CLVS1: variants seen among roughly 807,000 people sequenced by gnomAD.
The protein encoded by CLVS1 is clavesin 1, also known as clavesin-1.
In CLVS1, 10 loss-of-function variants were observed where a neutral mutation model predicts 33.1. That is an observed-to-expected ratio of 0.30 (90% CI 0.19 to 0.51). CLVS1 has a LOEUF of 0.51. CLVS1 is among the 20% of genes least tolerant of loss of function. CLVS1 has a pLI of 0.97. For missense variants in CLVS1, 343 were observed against 433.4 expected (o/e 0.79, Z 1.85); for synonymous variants, 163 against 166.1 (o/e 0.98, Z 0.14).
At chr8:61,207,697 T>C (rs979117655) in intron 2 of CLVS1, among the ~76,000 whole-genome samples, 4 of 152,184 alleles carry the variant, frequency 2.6e-5, no homozygotes, top group Non-Finnish European at 5.9e-5. Context: ...AGTTTCCCAT[T>C]TGCATATTGG....
intron 2 of CLVS1, among the ~76,000 whole-genome samples, chr8:61,139,464 C>T (rs1445873154): frequency 6.6e-6 from 1 of 152,210 alleles, no homozygotes; most frequent in Non-Finnish European, 1.5e-5. Flanking sequence ...TTTAAGATGG[C>T]TTTGTCTGCG....
At chr8:61,410,216 A>G (rs1400353691) in intron 3 of CLVS1, among the ~76,000 whole-genome samples, 1 of 151,960 alleles carries the variant, frequency 6.6e-6, no homozygotes, top group East Asian at 1.9e-4. Flanking sequence ...AGTTTATCAT[A>G]CTGTACAGTG....
At chr8:60,997,586 G>T in the CLVS1 span, among the ~76,000 whole-genome samples, 3 of 152,158 alleles carry the variant, frequency 2.0e-5, no homozygotes, top group African/African-American at 7.2e-5. Flanking sequence ...TGACCACAAG[G>T]GTTCACAGTC....
chr8:61,247,364 G>A (rs1808837008), intron 2 of CLVS1, among the ~76,000 whole-genome samples: 1 of 152,106 alleles, frequency 6.6e-6, no homozygotes, highest in African/African-American at 2.4e-5. Flanking sequence ...CTCTTTGAGG[G>A]CTAAGAGACA....
At chr8:61,026,841 T>C in the CLVS1 span, among the ~76,000 whole-genome samples, 245 of 152,244 alleles carry the variant, frequency 1.6e-3, 1 homozygote, top group Admixed American at 3.7e-3. Flanking sequence ...ACCTGCAAAT[T>C]TAACTCCAGA....
At chr8:61,481,932 C>T (rs1455565356) in intron 5 of CLVS1, among the ~76,000 whole-genome samples, 1 of 152,248 alleles carries the variant, frequency 6.6e-6, no homozygotes, top group African/African-American at 2.4e-5. Flanking sequence ...AGTAGTCTAA[C>T]TGGGAGACAT....
intron 5 of CLVS1, among the ~76,000 whole-genome samples, chr8:61,461,602 A>G (rs151223573): frequency 3.3e-4 from 50 of 152,328 alleles, no homozygotes; most frequent in Admixed American, 9.8e-4. Context: ...ATGCCATTTT[A>G]GAACATGGAT....
In CLVS1 at chr8:61,500,956, C is replaced by G. The variant is rs1056539592; in HGVS notation, c.*1414C>G. On this transcript the variant is annotated 3_prime_UTR_variant, in exon 6 of 6. Transcript: ENST00000325897. Reference sequence around the variant, plus strand: ...ATTATTTATTACATCATCTCTTTCTCAATGGATCTAATGTTTTAATTTTTT... The same window carrying G: ...ATTATTTATTACATCATCTCTTTCTGAATGGATCTAATGTTTTAATTTTTT... The G allele has an allele frequency of 6.6e-6, 1 of 152,074 alleles. No homozygotes were observed. Among genetic ancestry groups the G allele is most frequent in the Non-Finnish European group, 1.5e-5 (1 of 68,008 alleles). The allele number at this position is 152,074 out of a possible 1,614,324, so 9.4% of individuals were successfully genotyped here.
At chr8:61,433,857 T>C (rs995303922) in intron 3 of CLVS1, among the ~76,000 whole-genome samples, 3 of 151,748 alleles carry the variant, frequency 2.0e-5, no homozygotes, top group African/African-American at 7.3e-5. Context: ...GAGGTTGCAG[T>C]GAGCCAAGAT....
chr8:61,221,421 C>T (rs1258588823), intron 2 of CLVS1, among the ~76,000 whole-genome samples: 4 of 152,042 alleles, frequency 2.6e-5, no homozygotes, highest in Admixed American at 6.6e-5. Flanking sequence ...CAGAGGCCTT[C>T]TTCTGCATCT....
At chr8:61,338,964 C>CCG (rs10642874) in intron 2 of CLVS1, among the ~76,000 whole-genome samples, 1 of 148,520 alleles carries the variant, frequency 6.7e-6, no homozygotes, top group Admixed American at 6.7e-5. Context: ...AAAGGGAACA[C>CCG]TGTGTGTGTG....
At chr8:61,324,612 C>T (rs939041355) in intron 2 of CLVS1, among the ~76,000 whole-genome samples, 8 of 151,962 alleles carry the variant, frequency 5.3e-5, no homozygotes, top group Admixed American at 4.6e-4. Flanking sequence ...TTGGAGGGCT[C>T]AGAAGAATAC....
chr8:61,356,096 G>A lies in CLVS1; in HGVS notation c.456-20509G>A, dbSNP rs370623713. On this transcript the variant is annotated intron_variant, in intron 2 of 5. Transcript: ENST00000325897. ...ACCTGTTGTTTCCTGACTTTTTAAC[G>A]ATTGCCATTCTAACTGGTGTGAGAT... 1.6e-4 allele frequency among the ~76,000 whole-genome samples: 25 copies of A among 151,916 alleles called. No individual in the cohort carries two copies. In the East Asian group the frequency reaches 4.5e-3, roughly 27 times the overall value.
chr8:61,066,504 A>T (rs1759622243), intron 1 of CLVS1, among the ~76,000 whole-genome samples: 1 of 152,160 alleles, frequency 6.6e-6, no homozygotes, highest in Non-Finnish European at 1.5e-5. Context: ...TCTCAAGAAA[A>T]AAAGAAAAAG....
intron 2 of CLVS1, among the ~76,000 whole-genome samples, chr8:61,181,697 C>CTT (rs369025438): frequency 0.17 from 17,448 of 101,972 alleles, 2,239 homozygotes; most frequent in Admixed American, 0.23. Context: ...ACCATCTGAT[C>CTT]TTTTTTTTTT....
intron 2 of CLVS1, among the ~76,000 whole-genome samples, chr8:61,132,787 C>T (rs977514543): frequency 6.6e-6 from 1 of 152,212 alleles, no homozygotes; most frequent in African/African-American, 2.4e-5. Flanking sequence ...GCTGCTGGGA[C>T]ACAATGCCTG....
Position 61,422,827 on chromosome 8 carries a change from T to G in CLVS1, c.631-31314T>G, listed in dbSNP as rs140118748. On this transcript the variant is annotated intron_variant, in intron 3 of 5. Coordinates refer to ENST00000325897, the MANE Select transcript of CLVS1 (RefSeq NM_173519.3). ...TGCTCTGGAAGACTAACCGAAAGAG[T>G]AAAAGCAGAGGAAACCTGCTGATAG... Among the ~76,000 whole-genome samples the G allele has an allele frequency of 9.2e-3, 1,399 of 152,050 alleles. 16 individuals are homozygous for G. The highest frequency in any genetic ancestry group is 0.04 in the South Asian group (191 of 4,808).
chr8:61,217,610 A>G (rs535207554), intron 2 of CLVS1, among the ~76,000 whole-genome samples: 1 of 152,324 alleles, frequency 6.6e-6, no homozygotes, highest in East Asian at 1.9e-4. Context: ...TTTCATGATT[A>G]AGACCTCAAA....
intron 2 of CLVS1, among the ~76,000 whole-genome samples, chr8:61,192,333 C>T (rs1316260019): frequency 5.9e-5 from 9 of 152,136 alleles, no homozygotes; most frequent in Non-Finnish European, 8.8e-5. Context: ...ATGTAGAAAG[C>T]TGAAACTGGA....
Sources: allele counts gnomAD v4.1 joint callset (sites outside exome capture counted in the v4.1 genomes callset), GRCh38; gene constraint gnomAD v4.1.1; transcripts MANE v1.5; gene names NCBI Gene and HGNC (gene_info 2026-07-23, HGNC 2026-07-21).